The following RAD51B variants were observed in gnomAD, a reference collection of about 807,000 sequenced individuals.
RAD51B encodes the protein DNA repair protein RAD51 homolog 2.
A neutral mutation model predicts 42.2 loss-of-function variants in RAD51B; 38 were observed. The observed-to-expected ratio is 0.90, with a 90% confidence interval of 0.70 to 1.18. The LOEUF is 1.18. Ranked by LOEUF, RAD51B falls within the 50% of genes most tolerant of loss-of-function variation. RAD51B has a pLI of 0.00. For synonymous variants in RAD51B, 154 were observed against 145.2 expected (o/e 1.06, Z -0.43); for missense variants, 373 against 400.7 (o/e 0.93, Z 0.59).
intron 7 of RAD51B, among the ~76,000 whole-genome samples, chr14:68,161,671 G>A (rs1022574189): frequency 6.6e-5 from 10 of 152,202 alleles, no homozygotes; most frequent in African/African-American, 2.4e-4. Context: ...TGAGGAAGTT[G>A]AGGATTAATT....
chr14:67,921,581 A>T (rs1273443952), intron 7 of RAD51B, among the ~76,000 whole-genome samples: 1 of 144,662 alleles, frequency 6.9e-6, no homozygotes, highest in African/African-American at 2.7e-5. Flanking sequence ...ACACACACAC[A>T]CACACACACA....
intron 9 of RAD51B, among the ~76,000 whole-genome samples, chr14:68,415,207 T>G (rs2084526321): frequency 6.6e-6 from 1 of 152,090 alleles, no homozygotes; most frequent in Non-Finnish European, 1.5e-5. Context: ...CTCCCCCATG[T>G]GATTCTAATG....
At chr14:68,536,155 T>C (rs1438017624) in intron 10 of RAD51B, among the ~76,000 whole-genome samples, 1 of 152,216 alleles carries the variant, frequency 6.6e-6, no homozygotes, top group African/African-American at 2.4e-5. Context: ...TCCATTCTTT[T>C]TGTCCCTCTG....
chr14:67,911,353 A>C (rs2043973299), intron 7 of RAD51B, among the ~76,000 whole-genome samples: 1 of 152,194 alleles, frequency 6.6e-6, no homozygotes, highest in Non-Finnish European at 1.5e-5. Flanking sequence ...AATCCATTTT[A>C]ATAGGATCCC....
At chr14:68,050,626 A>T (rs1276948807) in intron 7 of RAD51B, among the ~76,000 whole-genome samples, 1 of 152,206 alleles carries the variant, frequency 6.6e-6, no homozygotes, top group African/African-American at 2.4e-5. Context: ...ACACATCGAC[A>T]TGAGTACCAT....
intron 7 of RAD51B, among the ~76,000 whole-genome samples, chr14:67,979,763 A>G (rs1176828983): frequency 6.6e-6 from 1 of 152,208 alleles, no homozygotes; most frequent in Non-Finnish European, 1.5e-5. Context: ...CCAAGTAGAT[A>G]TCAGTGTGAT....
At chr14:68,320,563 G>A (rs777347764) in intron 8 of RAD51B, among the ~76,000 whole-genome samples, 1 of 152,168 alleles carries the variant, frequency 6.6e-6, no homozygotes, top group Admixed American at 6.5e-5. Flanking sequence ...CAAAGGCAAG[G>A]GGCCTTGCCC....
chr14:67,908,680 A>G (rs1007459249), intron 7 of RAD51B: 6 of 152,160 alleles, frequency 3.9e-5, no homozygotes, highest in South Asian at 2.1e-4. Flanking sequence ...GCAGACACCT[A>G]TGTTTGGTGG....
downstream of RAD51B, among the ~76,000 whole-genome samples, chr14:68,597,222 G>T (rs934387771): frequency 8.5e-5 from 13 of 152,146 alleles, no homozygotes. Flanking sequence ...ATAAACTGAG[G>T]CTAGGCCAGG....
At chr14:67,956,583 G>C (rs2074552505) in intron 7 of RAD51B, among the ~76,000 whole-genome samples, 1 of 152,174 alleles carries the variant, frequency 6.6e-6, no homozygotes, top group Non-Finnish European at 1.5e-5. Context: ...TTCTCGAAAA[G>C]TATGTAATCT....
At chr14:68,614,374 A>G (rs1891782562), downstream of RAD51B, among the ~76,000 whole-genome samples, 1 of 152,216 alleles carries the variant, frequency 6.6e-6, no homozygotes. Flanking sequence ...TAATTGACAT[A>G]CCATAAAATT....
intron 10 of RAD51B, among the ~76,000 whole-genome samples, chr14:68,491,900 G>A (rs778159691): frequency 7.2e-5 from 11 of 152,152 alleles, no homozygotes; most frequent in Admixed American, 2.0e-4. Context: ...CTCAAGTAAC[G>A]CTTTTTCACT....
intron 7 of RAD51B, among the ~76,000 whole-genome samples, chr14:67,998,843 C>T (rs2075431233): frequency 6.6e-6 from 1 of 152,112 alleles, no homozygotes; most frequent in African/African-American, 2.4e-5. Flanking sequence ...ATTCATGGTA[C>T]TTTGTTTGTT....
intron 7 of RAD51B, among the ~76,000 whole-genome samples, chr14:68,277,039 T>C (rs1453237242): frequency 6.6e-6 from 1 of 152,198 alleles, no homozygotes; most frequent in Non-Finnish European, 1.5e-5. Flanking sequence ...AAGGAAGCCT[T>C]AAATATAAAC....
At chr14:68,062,825 A>G (rs1307543585) in intron 7 of RAD51B, among the ~76,000 whole-genome samples, 1 of 149,490 alleles carries the variant, frequency 6.7e-6, no homozygotes, top group Non-Finnish European at 1.5e-5. Context: ...AAAAAAAAAA[A>G]AAAAAAGAAA....
chr14:68,094,963 G>A (rs2077167392), intron 7 of RAD51B, among the ~76,000 whole-genome samples: 1 of 152,164 alleles, frequency 6.6e-6, no homozygotes, highest in African/African-American at 2.4e-5. Context: ...TCTGTAAGAA[G>A]GAAAGCAGAT....
chr14:68,176,309 A>G (rs1043037787), intron 7 of RAD51B, among the ~76,000 whole-genome samples: 1 of 152,222 alleles, frequency 6.6e-6, no homozygotes, highest in Non-Finnish European at 1.5e-5. Context: ...AAGATTCACA[A>G]TAGTAAATAG....
exon 11 of RAD51B, chr14:68,611,489 G>C: frequency 1.9e-6 from 1 of 539,448 alleles, no homozygotes; most frequent in Non-Finnish European, 3.3e-6. Flanking sequence ...AGAGTGATTA[G>C]AGCTTCTGCC....
rs184159880 is a variant in RAD51B at position 67,943,399 on chromosome 14, C to T, written c.756+56195C>T. On this transcript the variant is annotated intron_variant, in intron 7 of 10. Coordinates refer to ENST00000471583, the MANE Select transcript of RAD51B (RefSeq NM_133510.4). ...GGTTTTGAATTAACTGGAGATTTCC[C>T]TAATGTGTTGAATTTTTCTGACTAA... Among the ~76,000 whole-genome samples, 3 of 152,136 alleles carry T rather than the reference C, an allele frequency of 2.0e-5. No homozygotes were observed. The East Asian group carries it at 5.8e-4, about 29-fold the overall frequency.
Sources: allele counts gnomAD v4.1 joint callset (sites outside exome capture counted in the v4.1 genomes callset), GRCh38; gene constraint gnomAD v4.1.1; transcripts MANE v1.5; gene names NCBI Gene and HGNC (gene_info 2026-07-23, HGNC 2026-07-21).